FAM168A: variants seen among roughly 807,000 people sequenced by gnomAD.
FAM168A encodes protein FAM168A.
Under a neutral mutation model 28.5 loss-of-function variants are expected in FAM168A, and 3 were observed. The ratio of observed to expected loss-of-function variants is 0.11; its 90% CI spans 0.05 to 0.27. The LOEUF (loss-of-function observed/expected upper bound fraction) is 0.27, where lower values mean the gene tolerates loss of function less well. Among genes scored for constraint, FAM168A ranks in the 10% least tolerant of loss-of-function variants. The pLI is 1.00. For missense variants in FAM168A, 222 were observed against 311.5 expected (o/e 0.71, Z 2.16); for synonymous variants, 122 against 124.2 (o/e 0.98, Z 0.12).
At chr11:73,566,416 AT>A (rs2134712956) in intron 1 of FAM168A, among the ~76,000 whole-genome samples, 1 of 152,320 alleles carries the variant, frequency 6.6e-6, no homozygotes, top group East Asian at 1.9e-4. Context: ...AACATCCAGC[AT>A]TTACTTATTT....
chr11:73,493,322 G>A (rs934386613), intron 1 of FAM168A, among the ~76,000 whole-genome samples: 4 of 152,182 alleles, frequency 2.6e-5, no homozygotes, highest in South Asian at 2.1e-4. Context: ...TAGACCATAC[G>A]TATACAGTTA....
chr11:73,437,406 T>A lies in FAM168A; in HGVS notation c.71-6636A>T, dbSNP rs1371182596. 3.4e-5 allele frequency among the ~76,000 whole-genome samples: 5 copies of A among 146,944 alleles called. 1 individual carries two copies. The highest frequency in any genetic ancestry group is 3.4e-4 in the Admixed American group (5 of 14,838). ...GCTACCACGCCCGGCCACTCTTTTT[T>A]TTTTTTTTTTTTTTTGAGACAGAGT... On this transcript the variant is annotated intron_variant, in intron 2 of 7. Coordinates refer to ENST00000356467, the MANE Select transcript of FAM168A (RefSeq NM_015159.3).
At chr11:73,479,524 G>A (rs1456985637) in intron 1 of FAM168A, among the ~76,000 whole-genome samples, 2 of 152,140 alleles carry the variant, frequency 1.3e-5, no homozygotes, top group African/African-American at 4.8e-5. Context: ...GTTTGAGCAT[G>A]CAATCTGAGG....
rs925090153 is a variant in FAM168A, at chr11:73,548,837, T to C, written c.-19+49086A>G. Among the ~76,000 whole-genome samples the C allele has an allele frequency of 1.2e-4, 18 of 152,180 alleles. No individual in the cohort carries two copies. The South Asian group carries it at 1.7e-3, about 14-fold the overall frequency. On this transcript the variant is annotated intron_variant, in intron 1 of 7. Transcript: ENST00000356467. ...TTTTTGTAAAGGTGGGGTCTCCCTA[T>C]GTTGCCCTGGCTAGACTTGAACTCC...
chr11:73,463,389 T>G (rs1322553739), intron 2 of FAM168A, among the ~76,000 whole-genome samples: 1 of 152,150 alleles, frequency 6.6e-6, no homozygotes, highest in Non-Finnish European at 1.5e-5. Context: ...AATAGGCAGA[T>G]AGTGGTATTA....
rs547471416 is a variant in FAM168A, at chr11:73,478,509, T to TG, written c.-18-10018dup. Among the ~76,000 whole-genome samples the TG allele has an allele frequency of 4.4e-4, 66 of 151,438 alleles. 1 individual carries two copies. In the South Asian group the frequency reaches 0.012, roughly 29 times the overall value. On this transcript the variant is annotated intron_variant, in intron 1 of 7. Coordinates refer to ENST00000356467, the MANE Select transcript of FAM168A (RefSeq NM_015159.3). ...ATAGAAGCAAGAGATTTCTTTGGTG[T>TG]GGAAAAAAAGTCTAAAATGATTTTT...
At chr11:73,484,507 G>GAGAGAGAGAGAT (rs1243168733) in intron 1 of FAM168A, among the ~76,000 whole-genome samples, 2 of 77,774 alleles carry the variant, frequency 2.6e-5, no homozygotes, top group African/African-American at 1.1e-4. Flanking sequence ...AGGAGAGAGA[G>GAGAGAGAGAGAT]ATATATATAG....
chr11:73,542,913 C>T (rs1232665421), intron 1 of FAM168A, among the ~76,000 whole-genome samples: 4 of 152,146 alleles, frequency 2.6e-5, no homozygotes, highest in African/African-American at 9.7e-5. Flanking sequence ...CTCCTCTTCT[C>T]GTTATTCTTT....
Position 73,404,345 on chromosome 11 carries a change from A to T in FAM168A, c.*2418T>A, listed in dbSNP as rs576117393. 1 of 152,284 alleles carries T rather than the reference A, an allele frequency of 6.6e-6. No individual in the cohort carries two copies. Among genetic ancestry groups the T allele is most frequent in the African/African-American group, 2.4e-5 (1 of 41,542 alleles). The allele number at this position is 152,284 out of a possible 1,614,324, so 9.4% of individuals were successfully genotyped here. A position where few individuals can be genotyped will look rare whatever the true frequency, so the allele number is the denominator to read the frequency against. The stretch of plus-strand genomic sequence containing the variant: ...TTTCCTCATTTGTCAATTGACTGTA[A>T]TAACTCTAACCCTGTCCCTCTCAGG... On this transcript the variant is annotated 3_prime_UTR_variant, in exon 8 of 8. Transcript: ENST00000356467.
chr11:73,595,623 CCTGTGTACCTTCCAT>C (rs1944433471), intron 1 of FAM168A, among the ~76,000 whole-genome samples: 1 of 152,200 alleles, frequency 6.6e-6, no homozygotes, highest in Admixed American at 6.5e-5. Context: ...CATTTGCACT[CCTGTGTACCTTCCAT>C]TATCATCGTT....
intron 1 of FAM168A, among the ~76,000 whole-genome samples, chr11:73,503,216 T>C (rs1855045124): frequency 6.6e-6 from 1 of 152,242 alleles, no homozygotes; most frequent in Non-Finnish European, 1.5e-5. Flanking sequence ...AAGTTGTCTC[T>C]GTTTGAAGAC....
chr11:73,472,179 T>G (rs1416943328), intron 1 of FAM168A, among the ~76,000 whole-genome samples: 1 of 152,106 alleles, frequency 6.6e-6, no homozygotes, highest in Non-Finnish European at 1.5e-5. Context: ...AGAAATCCAC[T>G]CAGGCTGCTT....
intron 1 of FAM168A, among the ~76,000 whole-genome samples, chr11:73,572,129 C>T (rs1407913468): frequency 2.7e-5 from 4 of 150,654 alleles, no homozygotes; most frequent in African/African-American, 7.3e-5. Flanking sequence ...GGAGCGTTTC[C>T]GCCCGGCAGC....
intron 1 of FAM168A, among the ~76,000 whole-genome samples, chr11:73,558,983 A>G (rs1261341602): frequency 1.3e-5 from 2 of 152,218 alleles, no homozygotes; most frequent in Admixed American, 6.5e-5. Flanking sequence ...AAATAAATAC[A>G]TCTACCCACA....
At chr11:73,498,166 G>A (rs779579129) in intron 1 of FAM168A, among the ~76,000 whole-genome samples, 2 of 151,608 alleles carry the variant, frequency 1.3e-5, no homozygotes, top group African/African-American at 4.8e-5. Context: ...GGCTCCCATC[G>A]AAAAAAAACA....
chr11:73,588,284 T>C (rs1349501323), intron 1 of FAM168A, among the ~76,000 whole-genome samples: 1 of 152,198 alleles, frequency 6.6e-6, no homozygotes, highest in African/African-American at 2.4e-5. Context: ...ACTGTCAGTA[T>C]TGGTTGCCTA....
intron 1 of FAM168A, among the ~76,000 whole-genome samples, chr11:73,497,380 A>C (rs199823256): frequency 1.3e-5 from 2 of 151,658 alleles, no homozygotes; most frequent in African/African-American, 4.8e-5. Context: ...CAGGAGAATC[A>C]CTTGAACCTG....
At chr11:73,479,390 T>C (rs1031890519) in intron 1 of FAM168A, among the ~76,000 whole-genome samples, 2 of 141,348 alleles carry the variant, frequency 1.4e-5, no homozygotes, top group Admixed American at 6.9e-5. Context: ...AAAAAAAATA[T>C]GTCATTTGAT....
intron 1 of FAM168A, among the ~76,000 whole-genome samples, chr11:73,469,507 TGATTA>T (rs1387806506): frequency 3.9e-5 from 6 of 152,202 alleles, no homozygotes; most frequent in Non-Finnish European, 8.8e-5. Flanking sequence ...AACTGCTCTG[TGATTA>T]GTCTGTCTAG....
Sources: gnomAD v4.1 joint callset for allele counts (sites outside exome capture counted in the v4.1 genomes callset) on GRCh38, gnomAD v4.1.1 for gene constraint, MANE v1.5 for transcripts, NCBI Gene and HGNC (gene_info 2026-07-23, HGNC 2026-07-21) for gene names.